The following MMP2 variants were observed in gnomAD, a reference collection of about 807,000 sequenced individuals.
MMP2 encodes 72 kDa type IV collagenase.
A neutral mutation model predicts 74.8 loss-of-function variants in MMP2; 39 were observed. The observed-to-expected ratio is 0.52, with a 90% CI of 0.40 to 0.68. The LOEUF (loss-of-function observed/expected upper bound fraction) is 0.68, where lower values mean the gene tolerates loss of function less well. Ranked by LOEUF, MMP2 falls within the 30% of genes least tolerant of loss-of-function variation. MMP2 has a pLI of 0.00. For synonymous variants in MMP2, 367 were observed against 339.8 expected (o/e 1.08, Z -0.88); for missense variants, 803 against 878.3 (o/e 0.91, Z 1.08).
At chr16:55,503,803 T>C (rs1259427836) in intron 12 of MMP2, among the ~76,000 whole-genome samples, 1 of 152,110 alleles carries the variant, frequency 6.6e-6, no homozygotes, top group Non-Finnish European at 1.5e-5. Flanking sequence ...TCAGAGCACA[T>C]GCCTCATTTA....
intron 7 of MMP2, among the ~76,000 whole-genome samples, chr16:55,491,122 T>C (rs559552157): frequency 6.6e-6 from 1 of 151,374 alleles, no homozygotes; most frequent in East Asian, 2.0e-4. Context: ...TGGAGTGCAG[T>C]GGCATGATCT....
intron 2 of MMP2, 134 bp downstream of exon 2, chr16:55,483,269 T>C: frequency 1.5e-6 from 1 of 669,106 alleles, no homozygotes; most frequent in South Asian, 1.9e-5. Context: ...GGAGTTTCAA[T>C]ACACAGTTCT....
At chr16:55,500,517 A>ACACACACC (rs1198656140) in intron 11 of MMP2, among the ~76,000 whole-genome samples, 1 of 151,694 alleles carries the variant, frequency 6.6e-6, no homozygotes, top group Non-Finnish European at 1.5e-5. Flanking sequence ...ACACACACAC[A>ACACACACC]CACACACACA....
intron 3 of MMP2, among the ~76,000 whole-genome samples, chr16:55,484,428 A>G (rs1302276548): frequency 6.6e-6 from 1 of 152,174 alleles, no homozygotes; most frequent in Non-Finnish European, 1.5e-5. Context: ...TGTGCTGTCC[A>G]ATATGGCAGC....
intron 11 of MMP2, among the ~76,000 whole-genome samples, chr16:55,500,944 T>A (rs1421930344): frequency 6.6e-6 from 1 of 152,234 alleles, no homozygotes; most frequent in Non-Finnish European, 1.5e-5. Flanking sequence ...ATGTTCCACA[T>A]CTGCTGTGTG....
chr16:55,482,693 G>T (rs1962134245), intron 1 of MMP2, among the ~76,000 whole-genome samples: 1 of 152,206 alleles, frequency 6.6e-6, no homozygotes, highest in Non-Finnish European at 1.5e-5. Flanking sequence ...ACAAGTGGTA[G>T]CCATGCTCTC....
chr16:55,505,470 C>G lies in MMP2; in HGVS notation c.*28C>G. On this transcript the variant is annotated 3_prime_UTR_variant, in exon 13 of 13. Coordinates refer to ENST00000219070, the MANE Select transcript of MMP2 (RefSeq NM_004530.6). ...TGGCCCTGGCTCCCACAGGCCCTTC[C>G]TCTCCACTGCCTTCGATACACCGGG... The G allele has an allele frequency of 1.3e-6, 2 of 1,587,098 alleles. No individual in the cohort carries two copies. The highest frequency in any genetic ancestry group is 1.7e-6 in the Non-Finnish European group (2 of 1,155,566).
intron 11 of MMP2, among the ~76,000 whole-genome samples, chr16:55,500,494 T>TACATACACACACACACACACAC (rs1962640482): frequency 7.3e-6 from 1 of 136,194 alleles, no homozygotes; most frequent in Non-Finnish European, 1.5e-5. Flanking sequence ...CATGTGCGCA[T>TACATACACACACACACACACAC]ACACACACAC....
At chr16:55,483,880 C>T in intron 2 of MMP2, 136 bp from the exon 3 acceptor site, 5 of 890,630 alleles carry the variant, frequency 5.6e-6, no homozygotes, top group Non-Finnish European at 9.2e-6. Flanking sequence ...CCTTCCCGTG[C>T]TTGTGCATAT....
chr16:55,483,950 C>A lies in MMP2; in HGVS notation c.381-66C>A, dbSNP rs1962172012. 2.3e-5 allele frequency: 35 copies of A among 1,538,688 alleles called. No homozygotes were observed. The South Asian group carries it at 3.1e-4, about 14-fold the overall frequency. ...TTTTTCATACATCTGTGCACACACA[C>A]ATACTTGCATATACATACACTTATG... On this transcript the variant is annotated intron_variant, in intron 2 of 12. Coordinates refer to ENST00000219070, the MANE Select transcript of MMP2 (RefSeq NM_004530.6).
At chr16:55,496,768 C>T (rs926745996) in intron 9 of MMP2, among the ~76,000 whole-genome samples, 158 bp from the exon 10 acceptor site, 10 of 152,258 alleles carry the variant, frequency 6.6e-5, no homozygotes, top group East Asian at 1.9e-4. Flanking sequence ...GAACTCTGCC[C>T]GTTCTCCAGT....
chr16:55,496,353 G>A (rs553354181), intron 9 of MMP2, among the ~76,000 whole-genome samples: 1 of 152,242 alleles, frequency 6.6e-6, no homozygotes, highest in African/African-American at 2.4e-5. Flanking sequence ...GAAGAAGGAT[G>A]GTGGGGAAAT....
At position 55,497,023 on chromosome 16, in the gene MMP2, T is replaced by A; in HGVS notation, c.1570T>A (p.Tyr524Asn). ...PELPEKIDAV[Y>N]EAPQEEKAVF... ...GCTCCCGGAAAAGATTGATGCGGTATACGAGGCCCCACAGGAGGAGAAGGC... is the reference window on the plus strand; with the variant it reads ...GCTCCCGGAAAAGATTGATGCGGTAAACGAGGCCCCACAGGAGGAGAAGGC... The change falls in exon 10 of 13, where the codon TAC (tyrosine) becomes AAC (asparagine). Residue 524 changes from tyrosine (Y) to asparagine (N), a missense_variant. Physicochemically the swap from Tyr to Asn is moderately radical, Grantham distance 143 (BLOSUM62 -2). Coordinates refer to ENST00000219070, the MANE Select transcript of MMP2 (RefSeq NM_004530.6). 1.9e-6 allele frequency: 3 copies of A among 1,614,192 alleles called. No individual in the cohort carries two copies. The highest frequency in any genetic ancestry group is 2.5e-6 in the Non-Finnish European group (3 of 1,180,042).
chr16:55,497,189 T>G (rs1283729070), intron 10 of MMP2, 127 bp downstream of exon 10: 1 of 1,255,132 alleles, frequency 8.0e-7, no homozygotes, highest in Non-Finnish European at 1.1e-6. Flanking sequence ...CTCCCTTTCC[T>G]TTATGGATTC....
intron 12 of MMP2, 101 bp downstream of exon 12, chr16:55,502,989 G>T (rs2142374235): frequency 1.1e-6 from 1 of 941,660 alleles, no homozygotes. Context: ...AGGGCAGGCA[G>T]GCAGGCGGCG....
At chr16:55,493,111 A>T in intron 8 of MMP2, 47 bp from the exon 9 acceptor site, 1 of 1,611,042 alleles carries the variant, frequency 6.2e-7, no homozygotes, top group Non-Finnish European at 8.5e-7. Flanking sequence ...CCTAGTGGGG[A>T]GAACCTCTGG....
intron 12 of MMP2, 145 bp downstream of exon 12, chr16:55,503,033 G>T (rs943575027): frequency 2.8e-6 from 2 of 717,044 alleles, no homozygotes; most frequent in Non-Finnish European, 4.9e-6. Flanking sequence ...TCATCCTAGT[G>T]CTGGGAAGGT....
rs1198133595 is a variant in MMP2 at position 55,488,777 on chromosome 16, AC to A, written c.1006+64del. On this transcript the variant is annotated intron_variant, in intron 6 of 12. Transcript: ENST00000219070. ...GCACCTGCTGTCTGACAAAAAAAAA[AC>A]CCATAAGACTCCGAGTGCCCACCTC... 5.3e-6 allele frequency: 8 copies of A among 1,511,106 alleles called. No individual in the cohort carries two copies. In the African/African-American group the frequency reaches 1.1e-4, roughly 21 times the overall value. 93.6% of individuals were successfully genotyped at this position (1,511,106 alleles called of 1,614,324 possible).
chr16:55,499,835 G>A (rs1228387234), intron 11 of MMP2, among the ~76,000 whole-genome samples: 2 of 151,894 alleles, frequency 1.3e-5, no homozygotes, highest in Non-Finnish European at 1.5e-5. Flanking sequence ...GGGGCACAAA[G>A]ACTTGTGGTG....
Sources: gnomAD v4.1 joint callset for allele counts (sites outside exome capture counted in the v4.1 genomes callset) on GRCh38, gnomAD v4.1.1 for gene constraint, MANE v1.5 for transcripts, NCBI Gene and HGNC (gene_info 2026-07-23, HGNC 2026-07-21) for gene names.